RNF150: variants seen among roughly 807,000 people sequenced by gnomAD.
RNF150 encodes the protein ring finger protein 150.
RNF150 carries 24 observed loss-of-function variants against 39.3 expected under a neutral mutation model. The observed-to-expected ratio is 0.61, with a 90% CI of 0.44 to 0.86. The LOEUF (loss-of-function observed/expected upper bound fraction) is 0.86. Among genes scored for constraint, RNF150 ranks in the 40% least tolerant of loss-of-function variants. The pLI, the probability that RNF150 is intolerant of heterozygous loss-of-function variation, is 0.00. For missense variants in RNF150, 502 were observed against 587.8 expected (o/e 0.85, Z 1.51); for synonymous variants, 255 against 227.3 (o/e 1.12, Z -1.10).
intron 1 of RNF150, chr4:141,053,685 G>A (rs780314495): frequency 4.8e-5 from 67 of 1,406,118 alleles, no homozygotes; most frequent in Non-Finnish European, 5.8e-5. Context: ...GGGAATATGG[G>A]CATGGTGAAA....
intron 1 of RNF150, among the ~76,000 whole-genome samples, chr4:141,149,502 C>T (rs569341530): frequency 5.0e-4 from 76 of 152,306 alleles, no homozygotes; most frequent in Non-Finnish European, 8.5e-4. Context: ...TTTTCCATTC[C>T]TGAGTTACTT....
At chr4:141,172,230 G>C (rs1415737283) in intron 1 of RNF150, among the ~76,000 whole-genome samples, 1 of 152,118 alleles carries the variant, frequency 6.6e-6, no homozygotes, top group East Asian at 1.9e-4. Flanking sequence ...TGGGGCATTT[G>C]CTTCTCAGGA....
At chr4:141,047,787 T>C (rs932100574) in intron 1 of RNF150, among the ~76,000 whole-genome samples, 2 of 152,098 alleles carry the variant, frequency 1.3e-5, no homozygotes, top group Non-Finnish European at 2.9e-5. Context: ...CCCTCTTTCT[T>C]TTAAAATTAT....
chr4:141,185,739 AG>A (rs1252920339), intron 1 of RNF150, among the ~76,000 whole-genome samples: 1 of 152,208 alleles, frequency 6.6e-6, no homozygotes, highest in Admixed American at 6.5e-5. Context: ...TTTAGCATGA[AG>A]GGGTGTTGAA....
chr4:141,058,426 C>T (rs924941956), intron 1 of RNF150, among the ~76,000 whole-genome samples: 1 of 151,878 alleles, frequency 6.6e-6, no homozygotes, highest in Non-Finnish European at 1.5e-5. Flanking sequence ...ATATGTGTAC[C>T]CTTTGATTTT....
In RNF150 at chr4:141,038,700, A is replaced by G. The variant is rs142019567; in HGVS notation, c.485-70827T>C. On this transcript the variant is annotated intron_variant, in intron 1 of 6. Transcript: ENST00000515673. ...AGCAAGACCCTCCCTCAAAAAAAAA[A>G]AAGAATCTCTTTCCCATTTTTATGG... Among the ~76,000 whole-genome samples, 514 of 152,318 alleles carry G rather than the reference A, an allele frequency of 3.4e-3. 5 individuals are homozygous for G. The highest frequency in any genetic ancestry group is 0.012 in the African/African-American group (489 of 41,568).
intron 1 of RNF150, among the ~76,000 whole-genome samples, chr4:141,116,687 A>G (rs1198059940): frequency 6.6e-6 from 1 of 152,216 alleles, no homozygotes; most frequent in East Asian, 1.9e-4. Flanking sequence ...AGACACATGC[A>G]CACATATGTT....
chr4:141,086,226 G>T lies in RNF150; in HGVS notation c.484+46099C>A, dbSNP rs548220795. On this transcript the variant is annotated intron_variant, in intron 1 of 6. Coordinates refer to ENST00000515673, the MANE Select transcript of RNF150 (RefSeq NM_020724.2). The stretch of plus-strand genomic sequence containing the variant: ...TTCAAATTTTCTGCATCCTTCAAAT[G>T]ATTTACTTTGCTTGATCTATTTATC... 3.3e-5 allele frequency among the ~76,000 whole-genome samples: 5 copies of T among 152,156 alleles called. No homozygotes were observed. In the South Asian group the frequency reaches 8.3e-4, roughly 25 times the overall value.
intron 1 of RNF150, among the ~76,000 whole-genome samples, chr4:141,150,237 A>C (rs766929544): frequency 3.3e-5 from 5 of 152,242 alleles, no homozygotes; most frequent in Non-Finnish European, 5.9e-5. Flanking sequence ...GCAGCATCTT[A>C]GTTTCAGCAA....
At chr4:140,961,791 A>G (rs966687313) in intron 2 of RNF150, among the ~76,000 whole-genome samples, 2 of 152,064 alleles carry the variant, frequency 1.3e-5, no homozygotes, top group Non-Finnish European at 2.9e-5. Flanking sequence ...AACTGGGAGG[A>G]GAATAAAAAT....
Position 140,860,810 on chromosome 4 carries a change from T to G in RNF150, c.*7451A>C, listed in dbSNP as rs928361028. On this transcript the variant is annotated 3_prime_UTR_variant, in exon 7 of 7. Transcript: ENST00000515673. Reference sequence around the variant, plus strand: ...TAAAATAAGTTATTTCTTTTTCACATTTTTGCAACTGGCAATTGCTGGTTA... The same window carrying G: ...TAAAATAAGTTATTTCTTTTTCACAGTTTTGCAACTGGCAATTGCTGGTTA... 6.6e-6 allele frequency: 1 copy of G among 152,324 alleles called. No homozygotes were observed. The highest frequency in any genetic ancestry group is 2.1e-4 in the South Asian group (1 of 4,824). The allele number at this position is 152,324 out of a possible 1,614,324, so 9.4% of individuals were successfully genotyped here.
At chr4:141,086,678 C>A (rs1030529952) in intron 1 of RNF150, among the ~76,000 whole-genome samples, 5 of 150,872 alleles carry the variant, frequency 3.3e-5, no homozygotes, top group African/African-American at 1.2e-4. Flanking sequence ...TCTTTGATGC[C>A]CCACTAAAAC....
At chr4:141,040,152 G>C (rs113528148) in intron 1 of RNF150, among the ~76,000 whole-genome samples, 20 of 133,514 alleles carry the variant, frequency 1.5e-4, no homozygotes, top group African/African-American at 4.7e-4. Flanking sequence ...AGAACCCCGG[G>C]TGCTGGTAAC....
At position 141,085,937 on chromosome 4, in the gene RNF150, G is replaced by A. The variant is rs763577479; in HGVS notation, c.484+46388C>T. On this transcript the variant is annotated intron_variant, in intron 1 of 6. Transcript: ENST00000515673. ...GCCATTTCAGTGGGAGGAGATGAAA[G>A]AGAAGGAGGGAAGATATATTTAATA... 3.0e-4 allele frequency among the ~76,000 whole-genome samples: 45 copies of A among 151,982 alleles called. 1 individual carries two copies. Among genetic ancestry groups the A allele is most frequent in the Admixed American group, 4.6e-4 (7 of 15,252 alleles).
chr4:140,924,889 T>C (rs1320902779), intron 5 of RNF150, among the ~76,000 whole-genome samples: 5 of 152,096 alleles, frequency 3.3e-5, no homozygotes, highest in Admixed American at 3.3e-4. Context: ...GGGTAGAAAG[T>C]TCAGCCAATG....
chr4:140,914,772 C>T (rs1730747201), intron 5 of RNF150, among the ~76,000 whole-genome samples: 1 of 152,166 alleles, frequency 6.6e-6, no homozygotes, highest in Non-Finnish European at 1.5e-5. Context: ...TTTCCCGTAG[C>T]AAAATATAAT....
chr4:140,905,430 C>G (rs906850888), intron 6 of RNF150, among the ~76,000 whole-genome samples: 1 of 152,136 alleles, frequency 6.6e-6, no homozygotes. Context: ...TCTCCCTCCC[C>G]TACCCATCAC....
At chr4:140,958,502 C>A (rs1732875397) in intron 2 of RNF150, among the ~76,000 whole-genome samples, 1 of 152,136 alleles carries the variant, frequency 6.6e-6, no homozygotes, top group African/African-American at 2.4e-5. Flanking sequence ...TGGCTGCATG[C>A]CCTTGAAAAG....
intron 1 of RNF150, among the ~76,000 whole-genome samples, chr4:141,099,168 A>G (rs1264122850): frequency 6.6e-6 from 1 of 152,086 alleles, no homozygotes; most frequent in African/African-American, 2.4e-5. Flanking sequence ...TGCTGATATA[A>G]AAGGATGAAA....
Sources: gnomAD v4.1 joint callset for allele counts (sites outside exome capture counted in the v4.1 genomes callset) on GRCh38, gnomAD v4.1.1 for gene constraint, MANE v1.5 for transcripts, NCBI Gene and HGNC (gene_info 2026-07-23, HGNC 2026-07-21) for gene names.